Variants in ARHGAP20 observed in about 807,000 individuals in gnomAD.
ARHGAP20 encodes the protein Rho GTPase activating protein 20.
A neutral mutation model predicts 73.7 loss-of-function variants in ARHGAP20; 34 were observed. That is an observed-to-expected ratio of 0.46 (90% CI 0.35 to 0.61). The LOEUF (loss-of-function observed/expected upper bound fraction) is 0.61, where lower values mean the gene tolerates loss of function less well. ARHGAP20 is among the 20% of genes least tolerant of loss of function. The pLI is 0.00. For synonymous variants in ARHGAP20, 523 were observed against 518.2 expected (o/e 1.01, Z -0.13); for missense variants, 1,314 against 1,420.9 (o/e 0.92, Z 1.21).
chr11:110,623,517 A>G (rs545542928), intron 4 of ARHGAP20, among the ~76,000 whole-genome samples: 3 of 152,308 alleles, frequency 2.0e-5, no homozygotes, highest in African/African-American at 7.2e-5. Context: ...TTAAAATCAT[A>G]CATTTGCTTT....
intron 2 of ARHGAP20, among the ~76,000 whole-genome samples, chr11:110,671,252 T>A (rs1949821951): frequency 6.6e-6 from 1 of 151,594 alleles, no homozygotes; most frequent in African/African-American, 2.4e-5. Context: ...AACAACATGA[T>A]CATCTCAAAG....
chr11:110,613,592 C>T (rs565627497), intron 6 of ARHGAP20, among the ~76,000 whole-genome samples: 1 of 152,218 alleles, frequency 6.6e-6, no homozygotes, highest in East Asian at 1.9e-4. Flanking sequence ...AGGGATTTTC[C>T]AGGAAATCCT....
chr11:110,597,747 T>C (rs1202577040), intron 9 of ARHGAP20, among the ~76,000 whole-genome samples: 2 of 152,232 alleles, frequency 1.3e-5, no homozygotes, highest in Non-Finnish European at 2.9e-5. Context: ...AGTCCTTTAC[T>C]TTATCATAAA....
chr11:110,608,461 G>T (rs917632870), intron 8 of ARHGAP20, among the ~76,000 whole-genome samples: 5 of 152,124 alleles, frequency 3.3e-5, no homozygotes, highest in African/African-American at 1.2e-4. Flanking sequence ...TGAAGTAGCA[G>T]ATAATAAAGA....
chr11:110,674,386 GATCTGAAAATCCACA>G (rs1321490103), intron 2 of ARHGAP20, among the ~76,000 whole-genome samples: 5 of 152,106 alleles, frequency 3.3e-5, no homozygotes, highest in Non-Finnish European at 7.4e-5. Flanking sequence ...GAGCATCCCT[GATCTGAAAATCCACA>G]ATCTGAAATG....
chr11:110,579,560 A>C lies in ARHGAP20; in HGVS notation c.3386T>G (p.Val1129Gly). ...CATGCACAGCTTAAGTCTGCTCTCC[A>C]CCAGGCTGAATGGAGAGCTACAGTG... ...ERHCSSPFSL[V>G]ESRLKLCMKS... Residue 1129 changes from valine (V) to glycine (G), a missense_variant, in exon 15 of 15, where the codon GTG (valine) becomes GGG (glycine). Physicochemically the swap from Val to Gly is moderately radical, Grantham distance 109 (BLOSUM62 -3). Transcript: ENST00000683387. 1 of 1,613,810 alleles carries C rather than the reference A, an allele frequency of 6.2e-7. No individual in the cohort carries two copies. Among genetic ancestry groups the C allele is most frequent in the Non-Finnish European group, 8.5e-7 (1 of 1,179,738 alleles).
At chr11:110,614,278 G>C (rs942437843) in intron 6 of ARHGAP20, among the ~76,000 whole-genome samples, 2 of 152,254 alleles carry the variant, frequency 1.3e-5, no homozygotes, top group Non-Finnish European at 2.9e-5. Flanking sequence ...AGGGAGGACA[G>C]AGACATGTCA....
intron 1 of ARHGAP20, among the ~76,000 whole-genome samples, chr11:110,696,200 G>C (rs1238865767): frequency 1.3e-5 from 2 of 151,618 alleles, no homozygotes. Context: ...AGGGGGTTCA[G>C]TGTTTCTTTC....
At chr11:110,654,975 G>C (rs1312252458) in intron 2 of ARHGAP20, among the ~76,000 whole-genome samples, 1 of 152,098 alleles carries the variant, frequency 6.6e-6, no homozygotes, top group Non-Finnish European at 1.5e-5. Context: ...TTTACAAAAA[G>C]CTTCTCCACT....
In ARHGAP20 at chr11:110,618,581, TAGTGATAGAGTATATGC is replaced by T. The variant is rs1565441226; in HGVS notation, c.504-3004_504-2988del. Reference sequence around the variant, plus strand: ...AGTATATGTAGTGATAGTGTATATGTAGTGATAGAGTATATGCAGTGATAGAGTATATGCAGTGATAG... The same window carrying T: ...AGTATATGTAGTGATAGTGTATATGTAGTGATAGAGTATATGCAGTGATAG... On this transcript the variant is annotated intron_variant, in intron 4 of 14. Transcript: ENST00000683387. Among the ~76,000 whole-genome samples the T allele has an allele frequency of 5.7e-3, 861 of 152,022 alleles. 21 individuals are homozygous for T. Among genetic ancestry groups the T allele is most frequent in the African/African-American group, 0.017 (715 of 41,424 alleles).
chr11:110,690,819 G>A (rs769725626), intron 1 of ARHGAP20, among the ~76,000 whole-genome samples, 190 bp from the exon 2 acceptor site: 3 of 151,998 alleles, frequency 2.0e-5, no homozygotes, highest in Non-Finnish European at 4.4e-5. Flanking sequence ...AGGACAGTAA[G>A]TGTCAAAAAG....
intron 2 of ARHGAP20, among the ~76,000 whole-genome samples, chr11:110,688,155 G>A (rs776695415): frequency 1.7e-4 from 26 of 152,038 alleles, no homozygotes; most frequent in Non-Finnish European, 3.5e-4. Context: ...TCTTCTCTAC[G>A]CAGGATATTC....
chr11:110,651,620 A>G (rs1328967769), intron 2 of ARHGAP20, among the ~76,000 whole-genome samples: 7 of 152,100 alleles, frequency 4.6e-5, no homozygotes. Context: ...AAACTAGAAA[A>G]TCTAGAAGAA....
chr11:110,625,541 G>C (rs11213504), intron 3 of ARHGAP20, among the ~76,000 whole-genome samples: 24,448 of 151,906 alleles, frequency 0.16, 3,182 homozygotes, highest in African/African-American at 0.36. Context: ...AAGTAAAAAT[G>C]TGCAGTCCCC....
At chr11:110,596,050 T>C (rs1009248574) in intron 9 of ARHGAP20, among the ~76,000 whole-genome samples, 41 of 152,118 alleles carry the variant, frequency 2.7e-4, no homozygotes, top group Non-Finnish European at 3.4e-4. Flanking sequence ...GGGAAAGGAT[T>C]CCCTATTTAA....
Position 110,580,550 on chromosome 11 carries a change from A to G in ARHGAP20, c.2396T>C (p.Val799Ala), listed in dbSNP as rs1225696855. 1.9e-6 allele frequency: 3 copies of G among 1,614,246 alleles called. No homozygotes were observed. Among genetic ancestry groups the G allele is most frequent in the Non-Finnish European group, 1.7e-6 (2 of 1,180,050 alleles). Residue 799 changes from valine to alanine, a missense_variant, in exon 15 of 15, where the codon GTG becomes GCG. Val to Ala is a moderately conservative substitution (Grantham distance 64). This residue lies in a region of ARHGAP20 where 641 missense variants were observed against 636.9 expected (regional missense o/e 1.01). Transcript: ENST00000683387. Reference sequence around the variant, plus strand: ...ACTATAAGATGCCACAGAAATGGCCACTGGCTTAGACTTAGGGAAAAGTTT... The same window carrying G: ...ACTATAAGATGCCACAGAAATGGCCGCTGGCTTAGACTTAGGGAAAAGTTT... ...HVKLFPKSKP[V>A]AISVASYSPM...
At chr11:110,615,453 C>T in intron 5 of ARHGAP20, 100 bp downstream of exon 5, 1 of 1,108,478 alleles carries the variant, frequency 9.0e-7, no homozygotes. Context: ...ACAATTTCTA[C>T]TAAGGAGAAG....
intron 2 of ARHGAP20, among the ~76,000 whole-genome samples, chr11:110,678,905 T>G (rs1408319014): frequency 3.3e-5 from 5 of 152,090 alleles, no homozygotes; most frequent in Non-Finnish European, 7.4e-5. Flanking sequence ...GCTCATGCAA[T>G]TCCACCCGCC....
At chr11:110,691,830 G>C (rs1165785403) in intron 1 of ARHGAP20, among the ~76,000 whole-genome samples, 2 of 152,022 alleles carry the variant, frequency 1.3e-5, no homozygotes, top group Admixed American at 1.3e-4. Context: ...AATCTCCTTA[G>C]CACAGCTGAG....
Sources: allele counts gnomAD v4.1 joint callset (sites outside exome capture counted in the v4.1 genomes callset), GRCh38; gene constraint gnomAD v4.1.1; regional missense constraint gnomAD v4.1.1; transcripts MANE v1.5; gene names NCBI Gene and HGNC (gene_info 2026-07-23, HGNC 2026-07-21).